Variants in TVP23A observed in about 807,000 individuals in gnomAD.
The protein encoded by TVP23A is trans-golgi network vesicle protein 23 homolog A.
TVP23A carries 21 observed loss-of-function variants against 31.7 expected under a neutral mutation model. The ratio of observed to expected loss-of-function variants is 0.66; its 90% CI spans 0.47 to 0.95. TVP23A has a LOEUF of 0.95. Ranked by LOEUF, TVP23A falls within the 40% of genes least tolerant of loss-of-function variation. The probability of loss-of-function intolerance (pLI) is 0.00; values close to 1 mark genes in which losing one functional copy is unlikely to be tolerated. For missense variants in TVP23A, 279 were observed against 255.6 expected (o/e 1.09, Z -0.62); for synonymous variants, 104 against 96.0 (o/e 1.08, Z -0.49).
intron 2 of TVP23A, among the ~76,000 whole-genome samples, chr16:10,802,354 A>G (rs1320854461): frequency 6.7e-6 from 1 of 148,384 alleles, no homozygotes; most frequent in Non-Finnish European, 1.5e-5. Flanking sequence ...ATCTCGGCTC[A>G]CTGCAACCTC....
At chr16:10,786,491 C>T (rs1428495882) in intron 2 of TVP23A, among the ~76,000 whole-genome samples, 1 of 152,112 alleles carries the variant, frequency 6.6e-6, no homozygotes, top group Non-Finnish European at 1.5e-5. Flanking sequence ...AAGCCCATCT[C>T]CAACTAGAAT....
intron 2 of TVP23A, among the ~76,000 whole-genome samples, chr16:10,789,665 T>TAAAA (rs969812242): frequency 1.8e-4 from 10 of 55,392 alleles, no homozygotes; most frequent in East Asian, 5.5e-4. Flanking sequence ...CCATCTCTAC[T>TAAAA]AAAAAAAAAA....
chr16:10,774,178 T>C (rs1199358777), intron 3 of TVP23A, 50 bp from the exon 4 acceptor site: 1 of 1,379,852 alleles, frequency 7.2e-7, no homozygotes, highest in East Asian at 2.4e-5. Context: ...CAAAGAGGCT[T>C]ATTCACTGTA....
chr16:10,770,395 T>C (rs2031493526), intron 6 of TVP23A, 64 bp from the exon 7 acceptor site: 6 of 1,510,788 alleles, frequency 4.0e-6, no homozygotes, highest in Non-Finnish European at 5.3e-6. Flanking sequence ...ATCCTGCTGA[T>C]GGAAGGCCAG....
At chr16:10,812,009 A>G (rs980839227) in intron 2 of TVP23A, among the ~76,000 whole-genome samples, 1 of 152,098 alleles carries the variant, frequency 6.6e-6, no homozygotes, top group African/African-American at 2.4e-5. Context: ...AAGGCAGCCT[A>G]TAGAATAAGA....
At chr16:10,793,901 C>CAAGAAAAA (rs2033242269) in intron 2 of TVP23A, among the ~76,000 whole-genome samples, 1 of 39,164 alleles carries the variant, frequency 2.6e-5, no homozygotes, top group African/African-American at 8.8e-5. Context: ...CCTGTCTCAC[C>CAAGAAAAA]AAAAAAAAAA....
rs773459734 is a variant in TVP23A at position 10,777,004 on chromosome 16, G to A, written c.90-1908C>T. 1.1e-4 allele frequency among the ~76,000 whole-genome samples: 16 copies of A among 152,066 alleles called. No homozygotes were observed. The highest frequency in any genetic ancestry group is 2.9e-4 in the African/African-American group (12 of 41,426). Reference sequence around the variant, plus strand: ...AAGGTCTTTATGACCTGTATCCTGTGCGACCTCCTATCTCATCCTGTGACT... The same window carrying A: ...AAGGTCTTTATGACCTGTATCCTGTACGACCTCCTATCTCATCCTGTGACT... On this transcript the variant is annotated intron_variant, in intron 2 of 7. Transcript: ENST00000299866. This position sits in a 1 kb window ranked among gnomAD's most constrained non-coding sequence, Gnocchi z 4.5.
At chr16:10,797,223 T>C (rs573185962) in intron 2 of TVP23A, among the ~76,000 whole-genome samples, 2 of 151,948 alleles carry the variant, frequency 1.3e-5, no homozygotes, top group South Asian at 2.1e-4. Context: ...GAAAATTCTA[T>C]TGTAGTTTTA....
intron 2 of TVP23A, among the ~76,000 whole-genome samples, chr16:10,784,781 T>A (rs57720816): frequency 2.5e-4 from 38 of 152,240 alleles, no homozygotes; most frequent in African/African-American, 8.7e-4. Flanking sequence ...TCCTCAAACT[T>A]TGCTACAAAA....
chr16:10,771,681 CT>C lies in TVP23A; in HGVS notation c.570del (p.Val191CysfsTer26). On this transcript the variant is annotated frameshift_variant, in exon 6 of 8. Coordinates refer to ENST00000299866, the MANE Select transcript of TVP23A (RefSeq NM_001079512.4). LOFTEE classifies it high-confidence loss of function. ...GKVTASFLSQ[T>X]VFQTACPGDF... is the part of the protein sequence containing the mutation. ...CCTCAGTTACTCACCGTCTGGAACA[CT>C]GTCTGGGACAGGAAACTGGCTGTGA... 1.2e-6 allele frequency: 2 copies of C among 1,613,874 alleles called. No homozygotes were observed. The highest frequency in any genetic ancestry group is 2.2e-5 in the South Asian group (2 of 90,994).
In TVP23A at chr16:10,770,345, A is replaced by C; in HGVS notation, c.583-14T>G. 1 of 1,550,736 alleles carries C rather than the reference A, an allele frequency of 6.4e-7. No homozygotes were observed. Among genetic ancestry groups the C allele is most frequent in the Non-Finnish European group, 8.7e-7 (1 of 1,146,818 alleles). On this transcript the variant is annotated splice_polypyrimidine_tract_variant and intron_variant, in intron 6 of 7. Transcript: ENST00000299866. ...ACCTGGGCAGGCCTGCAAGGGGAAA[A>C]GTCAACCATGGTTTTCTGTCCTTAC... is the stretch of plus-strand genomic sequence containing the variant.
rs766701906 is a variant in TVP23A, at chr16:10,767,342, C to T, written c.*1760G>A. 1.0e-5 allele frequency: 4 copies of T among 399,392 alleles called. No individual in the cohort carries two copies. The highest frequency in any genetic ancestry group is 3.6e-5 in the East Asian group (1 of 28,096). The allele number at this position is 399,392 out of a possible 1,614,324, so 24.7% of individuals were successfully genotyped here. Reference sequence around the variant, plus strand: ...GGGGACTGGAACAATGGCCACATGGCGGGGAAAGACTAGCAGACTGATAGA... The same window carrying T: ...GGGGACTGGAACAATGGCCACATGGTGGGGAAAGACTAGCAGACTGATAGA... On this transcript the variant is annotated 3_prime_UTR_variant, in exon 8 of 8. Transcript: ENST00000299866. The surrounding 1 kb of genome is among the most constrained non-coding windows in gnomAD (Gnocchi z 4.6).
intron 2 of TVP23A, among the ~76,000 whole-genome samples, chr16:10,788,798 T>C (rs2032925483): frequency 6.6e-6 from 1 of 152,032 alleles, no homozygotes; most frequent in East Asian, 1.9e-4. Context: ...TAACAGAGAG[T>C]AGCTAGTAGG....
At chr16:10,764,694 T>G (rs180786664), downstream of TVP23A, among the ~76,000 whole-genome samples, 1 of 151,576 alleles carries the variant, frequency 6.6e-6, no homozygotes, top group African/African-American at 2.4e-5. Context: ...AGTAGGTCTA[T>G]TGGAGCATCT....
chr16:10,785,545 C>A (rs2032703531), intron 2 of TVP23A, among the ~76,000 whole-genome samples: 1 of 152,218 alleles, frequency 6.6e-6, no homozygotes, highest in Non-Finnish European at 1.5e-5. Flanking sequence ...GGGGTGTAAA[C>A]CCTGAATATC....
intron 2 of TVP23A, among the ~76,000 whole-genome samples, chr16:10,781,811 G>A (rs140828719): frequency 6.6e-5 from 10 of 150,662 alleles, no homozygotes; most frequent in African/African-American, 1.7e-4. Flanking sequence ...CTCTGTTCAC[G>A]GTCCAGAACA....
chr16:10,784,042 T>C (rs114971495), intron 2 of TVP23A, among the ~76,000 whole-genome samples: 1,649 of 151,976 alleles, frequency 0.011, 35 homozygotes, highest in African/African-American at 0.037. Context: ...CCAAAACTCA[T>C]AGAATGGGCT....
chr16:10,762,433 G>A (rs1297784875), downstream of TVP23A, among the ~76,000 whole-genome samples: 1 of 152,230 alleles, frequency 6.6e-6, no homozygotes, highest in South Asian at 2.1e-4. Flanking sequence ...CTGAAGGAGG[G>A]ACGGGGTTTC....
intron 4 of TVP23A, 58 bp downstream of exon 4, chr16:10,773,981 G>A: frequency 7.2e-7 from 1 of 1,394,500 alleles, no homozygotes; most frequent in Non-Finnish European, 1.0e-6. Context: ...GGAACCCACA[G>A]AAACTTTCCA....
Sources: allele counts gnomAD v4.1 joint callset (sites outside exome capture counted in the v4.1 genomes callset), GRCh38; gene constraint gnomAD v4.1.1; non-coding constraint Gnocchi (gnomAD v3.1); transcripts MANE v1.5; gene names NCBI Gene and HGNC (gene_info 2026-07-23, HGNC 2026-07-21).